RSKR: variants seen among roughly 807,000 people sequenced by gnomAD.
The protein encoded by RSKR is ribosomal protein S6 kinase-related protein.
RSKR carries 44 observed loss-of-function variants against 56.8 expected under a neutral mutation model. The ratio of observed to expected loss-of-function variants is 0.77; its 90% CI spans 0.61 to 1.00. RSKR has a LOEUF of 1.00. Ranked by LOEUF, RSKR falls within the 50% of genes least tolerant of loss-of-function variation. The probability of loss-of-function intolerance (pLI) is 0.00; values close to 1 mark genes in which losing one functional copy is unlikely to be tolerated. For synonymous variants in RSKR, 181 were observed against 188.0 expected, an observed-to-expected ratio of 0.96 and a Z score of 0.30; for missense variants, 510 against 506.9, an observed-to-expected ratio of 1.01 and a Z score of -0.06.
At chr17:28,610,853 C>A in intron 11 of RSKR, 154 bp from the exon 12 acceptor site, 1 of 814,432 alleles carries the variant, frequency 1.2e-6, no homozygotes, top group Non-Finnish European at 1.9e-6. Context: ...GAAATAGAGG[C>A]TAATTTGGGG....
chr17:28,611,528 C>A, intron 9 of RSKR, 39 bp downstream of exon 9: 1 of 1,569,980 alleles, frequency 6.4e-7, no homozygotes, highest in Non-Finnish European at 8.6e-7. Flanking sequence ...TAGCTATCCT[C>A]CTGCCCAATG....
Position 28,610,441 on chromosome 17 carries a change from A to G in RSKR, c.*37T>C. 1 of 1,516,944 alleles carries G rather than the reference A, an allele frequency of 6.6e-7. No individual in the cohort carries two copies. The highest frequency in any genetic ancestry group is 8.9e-7 in the Non-Finnish European group (1 of 1,129,918). The allele number at this position is 1,516,944 out of a possible 1,614,324, so 94.0% of individuals were successfully genotyped here. ...TGAGTAGGCAGGGATGGAGATCTTC[A>G]GGCTCCCAGCCGGGCCCCAATTTAC... On this transcript the variant is annotated 3_prime_UTR_variant, in exon 12 of 12. Coordinates refer to ENST00000301037, the MANE Select transcript of RSKR (RefSeq NM_001174103.2).
Position 28,613,430 on chromosome 17 carries a change from A to G in RSKR, c.324+10T>C. 1 of 1,614,206 alleles carries G rather than the reference A, an allele frequency of 6.2e-7. No homozygotes were observed. Among genetic ancestry groups the G allele is most frequent in the Middle Eastern group, 1.6e-4 (1 of 6,062 alleles). The stretch of plus-strand genomic sequence containing the variant: ...GACTGAGACCCCACTCAGGGATTCC[A>G]CTGACTTACCTTCAGCTGCTGCTGC... On this transcript the variant is annotated intron_variant, in intron 2 of 11. Transcript: ENST00000301037.
At position 28,613,335 on chromosome 17, in the gene RSKR, A is replaced by G; in HGVS notation, c.335T>C (p.Leu112Pro). The G allele has an allele frequency of 3.7e-6, 6 of 1,614,234 alleles. No individual in the cohort carries two copies. Among genetic ancestry groups the G allele is most frequent in the Non-Finnish European group, 5.1e-6 (6 of 1,180,032 alleles). Residue 112 changes from leucine (L) to proline (P), a missense_variant, in exon 3 of 12, where the codon CTC (leucine) becomes CCC (proline). By Grantham distance (98) the Leu-to-Pro change is moderately conservative. Coordinates refer to ENST00000301037, the MANE Select transcript of RSKR (RefSeq NM_001174103.2). ...RGQQQLKILG[L>P]VAKGSFGTVL... ...AGTTCCAAAGGAGCCTTTAGCCACG[A>G]GGCCTAAAATCTGTACAGAGGAATG...
chr17:28,611,732 C>T (rs369660975), intron 8 of RSKR, 36 bp downstream of exon 8: 2 of 1,613,878 alleles, frequency 1.2e-6, no homozygotes, highest in Admixed American at 3.3e-5. Flanking sequence ...ACCAAAGTAC[C>T]TCTCATCCTG....
Position 28,613,144 on chromosome 17 carries a change from C to T in RSKR, c.411G>A (p.Val137=). 1 of 1,613,940 alleles carries T rather than the reference C, an allele frequency of 6.2e-7. No individual in the cohort carries two copies. The highest frequency in any genetic ancestry group is 1.1e-5 in the South Asian group (1 of 91,078). ...CTQKAVFAVK[V]VPKVKVLQRD... is the part of the protein sequence containing the mutation. ...TCTGTAGGACCTTTACCTTGGGCAC[C>T]ACCTATAAAAGGAGAGTAGTGATGA... Residue 137 remains valine, a splice_region_variant and synonymous_variant, in exon 4 of 12, where the codon GTG becomes GTA. Coordinates refer to ENST00000301037, the MANE Select transcript of RSKR (RefSeq NM_001174103.2).
chr17:28,613,116 C>A lies in RSKR; in HGVS notation c.439G>T (p.Asp147Tyr), dbSNP rs774703892. The change falls in exon 4 of 12, where the codon GAT (aspartate) becomes TAT (tyrosine). Residue 147 changes from aspartate (D) to tyrosine (Y), a missense_variant. Coordinates refer to ENST00000301037, the MANE Select transcript of RSKR (RefSeq NM_001174103.2). ...TCCTCTTTGCACTGCCTCACGGTAT[C>A]CCTCTGTAGGACCTTTACCTTGGGC... ...VVPKVKVLQR[D>Y]TVRQCKEEVS... The A allele has an allele frequency of 1.9e-6, 3 of 1,614,042 alleles. No individual in the cohort carries two copies. The South Asian group carries it at 3.3e-5, about 18-fold the overall frequency.
intron 11 of RSKR, 55 bp from the exon 12 acceptor site, chr17:28,610,754 A>G: frequency 1.4e-6 from 2 of 1,475,860 alleles, no homozygotes; most frequent in Non-Finnish European, 1.8e-6. Context: ...AGGCCTGAAC[A>G]GAAAGGATGG....
At position 28,608,442 on chromosome 17, in the gene RSKR, T is replaced by A. The variant is rs2070771416; in HGVS notation, c.*2036A>T. 6.6e-6 allele frequency: 1 copy of A among 152,094 alleles called. No homozygotes were observed. Among genetic ancestry groups the A allele is most frequent in the Admixed American group, 6.6e-5 (1 of 15,250 alleles). 9.4% of individuals were successfully genotyped at this position (152,094 alleles called of 1,614,324 possible). ...CGATCTTCACTCATTGCAACCTCCA[T>A]CTCCTGGGTTCAAGCAATTCTTCCC... On this transcript the variant is annotated 3_prime_UTR_variant, in exon 12 of 12. Coordinates refer to ENST00000301037, the MANE Select transcript of RSKR (RefSeq NM_001174103.2).
Position 28,613,531 on chromosome 17 carries a change from TTCTC to T in RSKR, c.229_232del (p.Glu77SerfsTer30). On this transcript the variant is annotated frameshift_variant, in exon 2 of 12. Coordinates refer to ENST00000301037, the MANE Select transcript of RSKR (RefSeq NM_001174103.2). LOFTEE classifies it high-confidence loss of function. ...AGGCACTGGCCACTCTGGCAGAGGCTTCTCTACCAGTACTGGGGCTGGCTTTAGG... is the reference window on the plus strand; with the variant it reads ...AGGCACTGGCCACTCTGGCAGAGGCTTACCAGTACTGGGGCTGGCTTTAGG... 6.2e-7 allele frequency: 1 copy of T among 1,614,220 alleles called. No homozygotes were observed. The highest frequency in any genetic ancestry group is 1.3e-5 in the African/African-American group (1 of 75,052).
In RSKR at chr17:28,610,274, T is replaced by C. The variant is rs1222243798; in HGVS notation, c.*204A>G. 1 of 576,724 alleles carries C rather than the reference T, an allele frequency of 1.7e-6. No homozygotes were observed. The highest frequency in any genetic ancestry group is 3.1e-6 in the Non-Finnish European group (1 of 323,878). 35.7% of individuals were successfully genotyped at this position (576,724 alleles called of 1,614,324 possible). On this transcript the variant is annotated 3_prime_UTR_variant, in exon 12 of 12. Coordinates refer to ENST00000301037, the MANE Select transcript of RSKR (RefSeq NM_001174103.2). The stretch of plus-strand genomic sequence containing the variant: ...CTGACATGTTGAATTGAGAGGTAGG[T>C]TGTATGATAGGGAAGGAATAGGGCC...
intron 5 of RSKR, 28 bp from the exon 6 acceptor site, chr17:28,612,394 A>C: frequency 6.2e-7 from 1 of 1,604,256 alleles, no homozygotes; most frequent in African/African-American, 1.3e-5. Context: ...AGCTACATAC[A>C]TTGCCAGAAG....
chr17:28,610,649 C>G lies in RSKR; in HGVS notation c.1062G>C (p.Gln354His), dbSNP rs1395680888. Residue 354 changes from glutamine (Q) to histidine (H), a missense_variant, in exon 12 of 12, where the codon CAG becomes CAC. Gln to His is a conservative substitution (Grantham distance 24, BLOSUM62 0). Transcript: ENST00000301037. ...CCACACCCCGAAAGAAAGGGTGGAC[C>G]TGGAAGTGATGCAGATAACGTAGAC... is the stretch of plus-strand genomic sequence containing the variant. ...LHRLRYLHHFQVHPFFRGVAF... is the reference protein window; with the variant it reads ...LHRLRYLHHFHVHPFFRGVAF... 6.5e-7 allele frequency: 1 copy of G among 1,536,000 alleles called. No homozygotes were observed. Among genetic ancestry groups the G allele is most frequent in the Admixed American group, 2.0e-5 (1 of 50,978 alleles).
intron 4 of RSKR, 84 bp from the exon 5 acceptor site, chr17:28,612,771 G>A: frequency 1.5e-6 from 2 of 1,306,140 alleles, no homozygotes; most frequent in East Asian, 2.4e-5. Context: ...TTACCCAGAT[G>A]TGCAGAGGGG....
chr17:28,611,026 T>G, intron 11 of RSKR, 117 bp downstream of exon 11: 3 of 903,634 alleles, frequency 3.3e-6, no homozygotes, highest in Non-Finnish European at 5.1e-6. Context: ...AGTTAGGTAG[T>G]TAAGTTGGAG....
chr17:28,610,361 AGAACG>A lies in RSKR; in HGVS notation c.*112_*116del. On this transcript the variant is annotated 3_prime_UTR_variant, in exon 12 of 12. Coordinates refer to ENST00000301037, the MANE Select transcript of RSKR (RefSeq NM_001174103.2). ...ACTCTGGTCTAAAGCCTAGGAGAGCAGAACGGTAAGAGGCTACAAAATAAAAACAA... is the reference window on the plus strand; with the variant it reads ...ACTCTGGTCTAAAGCCTAGGAGAGCAGTAAGAGGCTACAAAATAAAAACAA... The A allele has an allele frequency of 2.1e-6, 2 of 939,828 alleles. No homozygotes were observed. The highest frequency in any genetic ancestry group is 5.3e-5 in the East Asian group (2 of 37,924). 58.2% of individuals were successfully genotyped at this position (939,828 alleles called of 1,614,324 possible). A position where few individuals can be genotyped will look rare whatever the true frequency, so the allele number is the denominator to read the frequency against.
intron 1 of RSKR, 97 bp downstream of exon 1, chr17:28,613,990 G>A: frequency 1.3e-6 from 2 of 1,487,222 alleles, no homozygotes; most frequent in African/African-American, 1.4e-5. Flanking sequence ...CCCACATTGG[G>A]TAATCACTTC....
rs1343109973 is a variant in RSKR at position 28,610,168 on chromosome 17, AAGCAGAAGCAGCTCTGGCTGAC to A, written c.*288_*309del. 3.2e-6 allele frequency: 1 copy of A among 309,958 alleles called. No individual in the cohort carries two copies. The highest frequency in any genetic ancestry group is 2.1e-5 in the African/African-American group (1 of 47,990). 19.2% of individuals were successfully genotyped at this position (309,958 alleles called of 1,614,324 possible). On this transcript the variant is annotated 3_prime_UTR_variant, in exon 12 of 12. Coordinates refer to ENST00000301037, the MANE Select transcript of RSKR (RefSeq NM_001174103.2). ...AAGAAAGGAAACATGGCAGAGAAAC[AAGCAGAAGCAGCTCTGGCTGAC>A]AGCCTGAGGGTAAAGAGCACTGGAG...
At position 28,612,667 on chromosome 17, in the gene RSKR, A is replaced by C; in HGVS notation, c.498T>G (p.Phe166Leu). The change falls in exon 5 of 12, where the codon TTT becomes TTG. Residue 166 changes from phenylalanine (F) to leucine (L), a missense_variant. Phe to Leu is a conservative substitution (Grantham distance 22, BLOSUM62 0). Transcript: ENST00000301037. ...GCCAGCTGTCCCCCAAGCTGTGTAC[A>C]AAGGGATGGTTGATCTGTCGCTAGG... ...VSIQRQINHP[F>L]VHSLGDSWQG... is the part of the protein sequence containing the mutation. 6.2e-7 allele frequency: 1 copy of C among 1,614,182 alleles called. No individual in the cohort carries two copies. Among genetic ancestry groups the C allele is most frequent in the South Asian group, 1.1e-5 (1 of 91,078 alleles).
Sources: gnomAD v4.1 joint callset for allele counts on GRCh38, gnomAD v4.1.1 for gene constraint, MANE v1.5 for transcripts, NCBI Gene and HGNC (gene_info 2026-07-23, HGNC 2026-07-21) for gene names.